The following HK3 variants were observed in gnomAD, a reference collection of about 807,000 sequenced individuals.
The protein encoded by HK3 is hexokinase-3.
Under a neutral mutation model 91.0 loss-of-function variants are expected in HK3, and 93 were observed. The observed-to-expected ratio is 1.02, with a 90% CI of 0.86 to 1.21. The LOEUF is 1.21. Among genes scored for constraint, HK3 ranks in the 50% most tolerant of loss-of-function variants. HK3 has a pLI of 0.00. For missense variants in HK3, 1,235 were observed against 1,247.4 expected (o/e 0.99, Z 0.15); for synonymous variants, 519 against 516.9 (o/e 1.00, Z -0.06).
At position 176,890,673 on chromosome 5, in the gene HK3, C is replaced by T; in HGVS notation, c.592G>A (p.Val198Met). ...FRCSGVEGQD[V>M]VQLLRDAIRR... ...ATGGCATCTCTCAGCAGCTGGACCACATCCTGGCCTTCCACACCACTGCAC... is the reference window on the plus strand; with the variant it reads ...ATGGCATCTCTCAGCAGCTGGACCATATCCTGGCCTTCCACACCACTGCAC... The change falls in exon 6 of 19, where the codon GTG becomes ATG. Residue 198 changes from valine (V) to methionine (M), a missense_variant. Transcript: ENST00000292432. The T allele has an allele frequency of 6.2e-7, 1 of 1,614,186 alleles. No homozygotes were observed. Among genetic ancestry groups the T allele is most frequent in the South Asian group, 1.1e-5 (1 of 91,090 alleles).
At position 176,881,994 on chromosome 5, in the gene HK3, G is replaced by A. The variant is rs35676647; in HGVS notation, c.2187C>T (p.Thr729=). 7,469 of 1,613,474 alleles carry A rather than the reference G, an allele frequency of 4.6e-3. 301 individuals carry two copies. The African/African-American group carries it at 0.085, about 18-fold the overall frequency. Reference sequence around the variant, plus strand: ...CCTGGTCCACACTTGCATCAAAGCGGGTGCTGAGCATGGCCAGAGAGCCAT... The same window carrying A: ...CCTGGTCCACACTTGCATCAAAGCGAGTGCTGAGCATGGCCAGAGAGCCAT... ...GDDGSLAMLS[T]RFDASVDQAS... Residue 729 remains threonine, a synonymous_variant, in exon 16 of 19, where the codon ACC becomes ACT. Coordinates refer to ENST00000292432, the MANE Select transcript of HK3 (RefSeq NM_002115.3).
intron 2 of HK3, among the ~76,000 whole-genome samples, chr5:176,892,713 C>T (rs1758811028): frequency 6.6e-6 from 1 of 152,168 alleles, no homozygotes; most frequent in Non-Finnish European, 1.5e-5. Context: ...AAACTGGACA[C>T]TTATCTTTGG....
chr5:176,883,474 G>T (rs1328940480), intron 15 of HK3, among the ~76,000 whole-genome samples: 1 of 152,112 alleles, frequency 6.6e-6, no homozygotes, highest in Non-Finnish European at 1.5e-5. Flanking sequence ...GGTCATACAG[G>T]TGGAAACACA....
chr5:176,883,595 G>A (rs1048389023), intron 15 of HK3, among the ~76,000 whole-genome samples, 175 bp downstream of exon 15: 1 of 152,120 alleles, frequency 6.6e-6, no homozygotes, highest in Non-Finnish European at 1.5e-5. Flanking sequence ...TCACTGAGCT[G>A]GACTATACAC....
At chr5:176,889,236 G>T (rs547928069) in intron 8 of HK3, 145 bp downstream of exon 8, 3 of 896,186 alleles carry the variant, frequency 3.3e-6, no homozygotes, top group East Asian at 2.4e-5. Context: ...TTTGAACCTG[G>T]CCAGGGCCCC....
intron 16 of HK3, 47 bp downstream of exon 16, chr5:176,881,897 C>T (rs1462392622): frequency 1.2e-6 from 2 of 1,612,462 alleles, no homozygotes; most frequent in Admixed American, 1.7e-5. Flanking sequence ...GCCACCATCC[C>T]CAGCACCGGT....
In HK3 at chr5:176,884,222, C is replaced by T; in HGVS notation, c.1858-88G>A. 9.1e-7 allele frequency: 1 copy of T among 1,094,594 alleles called. No homozygotes were observed. The highest frequency in any genetic ancestry group is 1.3e-5 in the South Asian group (1 of 79,200). The allele number at this position is 1,094,594 out of a possible 1,614,324, so 67.8% of individuals were successfully genotyped here. On this transcript the variant is annotated intron_variant, in intron 13 of 18. Coordinates refer to ENST00000292432, the MANE Select transcript of HK3 (RefSeq NM_002115.3). The surrounding 1 kb of genome is among the most constrained non-coding windows in gnomAD (Gnocchi z 4.1). Reference sequence around the variant, plus strand: ...TGCAAAACCTGCATCCATCACAAGCCTAGGCTTTCCACCCTCCCCAAGCAC... The same window carrying T: ...TGCAAAACCTGCATCCATCACAAGCTTAGGCTTTCCACCCTCCCCAAGCAC...
chr5:176,889,187 T>C (rs928810766), intron 8 of HK3, among the ~76,000 whole-genome samples, 194 bp downstream of exon 8: 11 of 152,172 alleles, frequency 7.2e-5, no homozygotes, highest in Admixed American at 6.5e-4. Flanking sequence ...AGATCAAGGG[T>C]TGACAATTCT....
Position 176,881,045 on chromosome 5 carries a change from C to T in HK3, c.*28G>A, listed in dbSNP as rs368214427. 65 of 1,570,902 alleles carry T rather than the reference C, an allele frequency of 4.1e-5. No homozygotes were observed. The highest frequency in any genetic ancestry group is 1.1e-4 in the African/African-American group (8 of 73,202). On this transcript the variant is annotated 3_prime_UTR_variant, in exon 19 of 19. Coordinates refer to ENST00000292432, the MANE Select transcript of HK3 (RefSeq NM_002115.3). ...CGACCCGGCTCCAGCAAGGCTGCGGCGGAGACCTCCTCAGCCTGGAGGTTT... is the reference window on the plus strand; with the variant it reads ...CGACCCGGCTCCAGCAAGGCTGCGGTGGAGACCTCCTCAGCCTGGAGGTTT...
At chr5:176,890,788 C>T in intron 5 of HK3, 34 bp downstream of exon 5, 2 of 1,614,200 alleles carry the variant, frequency 1.2e-6, no homozygotes, top group Non-Finnish European at 1.7e-6. Flanking sequence ...TGCAGCCACC[C>T]TCTACCCAGC....
At position 176,881,993 on chromosome 5, in the gene HK3, G is replaced by C; in HGVS notation, c.2188C>G (p.Arg730Gly). The part of the protein sequence containing the change: ...DDGSLAMLST[R>G]FDASVDQASI... The stretch of plus-strand genomic sequence containing the variant: ...GCCTGGTCCACACTTGCATCAAAGC[G>C]GGTGCTGAGCATGGCCAGAGAGCCA... The change falls in exon 16 of 19, where the codon CGC becomes GGC. Residue 730 changes from arginine (R) to glycine (G), a missense_variant. Arg to Gly is a moderately radical substitution (Grantham distance 125, BLOSUM62 -2). Transcript: ENST00000292432. The C allele has an allele frequency of 6.2e-7, 1 of 1,613,514 alleles. No homozygotes were observed. Among genetic ancestry groups the C allele is most frequent in the Non-Finnish European group, 8.5e-7 (1 of 1,180,018 alleles).
Position 176,881,372 on chromosome 5 carries a change from C to G in HK3, c.2557G>C (p.Glu853Gln). The change falls in exon 18 of 19, where the codon GAG becomes CAG. Residue 853 changes from glutamate to glutamine, a missense_variant. Physicochemically the swap from Glu to Gln is conservative, Grantham distance 29 (BLOSUM62 2). Around this residue, in one of 3 missense-constraint regions of HK3, gnomAD observed 513 missense variants for 477.4 expected, o/e 1.07. Transcript: ENST00000292432. ...GVAAVVEKIRENRGLEELAVS... is the reference protein window; with the variant it reads ...GVAAVVEKIRQNRGLEELAVS... ...GCCAGCTCTTCCAGGCCCCGGTTCT[C>G]CCGGATCTTCTCCACCACGGCAGCT... 3 of 1,614,012 alleles carry G rather than the reference C, an allele frequency of 1.9e-6. No homozygotes were observed. The highest frequency in any genetic ancestry group is 2.5e-6 in the Non-Finnish European group (3 of 1,180,034).
chr5:176,887,501 G>A lies in HK3; in HGVS notation c.1550C>T (p.Ser517Phe), dbSNP rs1308755925. 5 of 1,613,668 alleles carry A rather than the reference G, an allele frequency of 3.1e-6. No homozygotes were observed. Among genetic ancestry groups the A allele is most frequent in the Non-Finnish European group, 4.2e-6 (5 of 1,179,960 alleles). ...GAAAGTGGGCAGCATGCGAAGGGAG[G>A]AGGCCTCCCCTCGGAGCCCCTTGGC... ...AMAKGLRGEASSLRMLPTFVR... is the reference protein window; with the variant it reads ...AMAKGLRGEAFSLRMLPTFVR... The change falls in exon 11 of 19, where the codon TCC (serine) becomes TTC (phenylalanine). Residue 517 changes from serine to phenylalanine, a missense_variant. Transcript: ENST00000292432. The surrounding 1 kb of genome is among the most constrained non-coding windows in gnomAD (Gnocchi z 4.9).
rs200655596 is a variant in HK3 at position 176,889,425 on chromosome 5, G to C, written c.870C>G (p.Phe290Leu). ...GGGACTCATGGTCCAGGGTATGGTC[G>C]AAGGTGGTCAGCACTGGTCCCAGCG... The part of the protein sequence containing the change: ...DGALGPVLTT[F>L]DHTLDHESLN... Residue 290 changes from phenylalanine to leucine, a missense_variant, in exon 8 of 19, where the codon TTC becomes TTG. This residue lies in a region of HK3 where 717 missense variants were observed against 751.6 expected (regional missense o/e 0.95). Transcript: ENST00000292432. The C allele has an allele frequency of 1.2e-6, 2 of 1,614,184 alleles. No individual in the cohort carries two copies. The highest frequency in any genetic ancestry group is 2.2e-5 in the South Asian group (2 of 91,082).
chr5:176,881,307 G>C lies in HK3; in HGVS notation c.2622C>G (p.His874Gln), dbSNP rs200923960. The C allele has an allele frequency of 7.4e-6, 12 of 1,613,610 alleles. No homozygotes were observed. The highest frequency in any genetic ancestry group is 9.3e-6 in the Non-Finnish European group (11 of 1,179,878). The change falls in exon 18 of 19, where the codon CAC (histidine) becomes CAG (glutamine). Residue 874 changes from histidine (H) to glutamine (Q), a missense_variant. By Grantham distance (24) the His-to-Gln change is conservative (BLOSUM62 0). Around this residue, in one of 3 missense-constraint regions of HK3, gnomAD observed 513 missense variants for 477.4 expected, o/e 1.07. Transcript: ENST00000292432. ...VGVDGTLYKL[H>Q]PRFSSLVAAT... ...GCCCGCACACCCAGACTCACCGCGGGTGCAGCTTGTAGAGCGTTCCATCCA... is the reference window on the plus strand; with the variant it reads ...GCCCGCACACCCAGACTCACCGCGGCTGCAGCTTGTAGAGCGTTCCATCCA...
chr5:176,894,542 C>T (rs1007151084), intron 2 of HK3, among the ~76,000 whole-genome samples: 1 of 152,226 alleles, frequency 6.6e-6, no homozygotes. Flanking sequence ...GCCCAGCCAC[C>T]GCTGTCACTC....
In HK3 at chr5:176,882,216, G is replaced by A. The variant is rs574771288; in HGVS notation, c.2054-89C>T. ...TCCCATACCGAGATGGCAACGATTC[G>A]GGCTCACTCTCTCTACCTCTCATGC... On this transcript the variant is annotated intron_variant, in intron 15 of 18. Transcript: ENST00000292432. 23 of 1,358,668 alleles carry A rather than the reference G, an allele frequency of 1.7e-5. No homozygotes were observed. The African/African-American group carries it at 2.1e-4, about 13-fold the overall frequency. 84.2% of individuals were successfully genotyped at this position (1,358,668 alleles called of 1,614,324 possible). A position where few individuals can be genotyped will look rare whatever the true frequency, so the allele number is the denominator to read the frequency against.
chr5:176,888,269 T>G lies in HK3; in HGVS notation c.1304+63A>C, dbSNP rs1758654930. On this transcript the variant is annotated intron_variant, in intron 10 of 18. Transcript: ENST00000292432. ...GCACATGTGATCCCAGAGGGCCCTC[T>G]GGGTGTGTATCACACACACGTGTTC... is the stretch of plus-strand genomic sequence containing the variant. The G allele has an allele frequency of 2.9e-6, 4 of 1,373,596 alleles. No individual in the cohort carries two copies. In the South Asian group the frequency reaches 3.8e-5, roughly 13 times the overall value. 85.1% of individuals were successfully genotyped at this position (1,373,596 alleles called of 1,614,324 possible).
At chr5:176,888,956 T>C in intron 8 of HK3, 92 bp from the exon 9 acceptor site, 1 of 1,431,292 alleles carries the variant, frequency 7.0e-7, no homozygotes, top group East Asian at 2.4e-5. Flanking sequence ...AGGATTCTTT[T>C]CTTTGGGGCT....
Sources: allele counts gnomAD v4.1 joint callset (sites outside exome capture counted in the v4.1 genomes callset), GRCh38; gene constraint gnomAD v4.1.1; regional missense constraint gnomAD v4.1.1; non-coding constraint Gnocchi (gnomAD v3.1); transcripts MANE v1.5; gene names NCBI Gene and HGNC (gene_info 2026-07-23, HGNC 2026-07-21).